The following ACSL3 variants were observed in gnomAD, a reference collection of about 807,000 sequenced individuals.
ACSL3 encodes the protein acyl-CoA synthetase long chain family member 3, also known as fatty acid CoA ligase Acsl3.
Under a neutral mutation model 84.7 loss-of-function variants are expected in ACSL3, and 34 were observed. That is an observed-to-expected ratio of 0.40 (90% confidence interval 0.31 to 0.53). The LOEUF is 0.53. ACSL3 is among the 20% of genes least tolerant of loss of function. ACSL3 has a pLI of 0.48. For synonymous variants in ACSL3, 315 were observed against 299.4 expected (o/e 1.05, Z -0.54); for missense variants, 680 against 873.1 (o/e 0.78, Z 2.79).
Position 222,919,140 on chromosome 2 carries a change from C to T in ACSL3, c.743C>T (p.Pro248Leu). The T allele has an allele frequency of 1.2e-6, 2 of 1,614,090 alleles. No individual in the cohort carries two copies. Among genetic ancestry groups the T allele is most frequent in the Non-Finnish European group, 1.7e-6 (2 of 1,180,016 alleles). Residue 248 changes from proline (P) to leucine (L), a missense_variant, in exon 7 of 17, where the codon CCC becomes CTC. Transcript: ENST00000357430. ...DGKPPTWSEF[P>L]KGIIVHTMAA... is the part of the protein sequence containing the mutation. ...AAGCCACCGACCTGGTCCGAGTTCCCCAAGGGCATCATTGTGCATACCATG... is the reference window on the plus strand; with the variant it reads ...AAGCCACCGACCTGGTCCGAGTTCCTCAAGGGCATCATTGTGCATACCATG...
At chr2:222,910,088 C>A (rs1696404812) in intron 4 of ACSL3, among the ~76,000 whole-genome samples, 2 of 152,148 alleles carry the variant, frequency 1.3e-5, no homozygotes. Context: ...CAATTTGTGG[C>A]ACTTAATGTA....
chr2:222,940,303 C>T (rs533673628), intron 16 of ACSL3, among the ~76,000 whole-genome samples: 6 of 152,112 alleles, frequency 3.9e-5, no homozygotes, highest in Non-Finnish European at 7.4e-5. Flanking sequence ...AGTAAATGTG[C>T]TCTGCATAAT....
chr2:222,932,280 A>G (rs969147976), intron 14 of ACSL3, among the ~76,000 whole-genome samples: 1 of 152,256 alleles, frequency 6.6e-6, no homozygotes, highest in Non-Finnish European at 1.5e-5. Context: ...TCAGAAGAAC[A>G]TACTTGAAGC....
At position 222,873,601 on chromosome 2, in the gene ACSL3, G is replaced by T. The variant is rs143325092; in HGVS notation, c.-207+12343G>T. On this transcript the variant is annotated intron_variant, in intron 1 of 16. Transcript: ENST00000357430. ...TATAGCCAGTGCTGAGGTGCTTTCGGTCCTGATACCTGTTTGTGTGTATGT... is the reference window on the plus strand; with the variant it reads ...TATAGCCAGTGCTGAGGTGCTTTCGTTCCTGATACCTGTTTGTGTGTATGT... 2.0e-3 allele frequency among the ~76,000 whole-genome samples: 298 copies of T among 152,240 alleles called. 4 individuals are homozygous for T. The highest frequency in any genetic ancestry group is 7.0e-3 in the African/African-American group (291 of 41,546).
chr2:222,880,551 G>A (rs572548632), intron 1 of ACSL3, among the ~76,000 whole-genome samples: 5 of 152,044 alleles, frequency 3.3e-5, no homozygotes, highest in Middle Eastern at 3.4e-3. Flanking sequence ...ATTTTTGGCC[G>A]GGCGCGGTGG....
chr2:222,868,838 C>G (rs369823975), intron 1 of ACSL3, among the ~76,000 whole-genome samples: 1 of 151,790 alleles, frequency 6.6e-6, no homozygotes, highest in Non-Finnish European at 1.5e-5. Flanking sequence ...GGTGTGGTAG[C>G]GGGTGCCTGT....
At chr2:222,900,423 T>C (rs1245415867) in intron 2 of ACSL3, among the ~76,000 whole-genome samples, 1 of 152,198 alleles carries the variant, frequency 6.6e-6, no homozygotes, top group Non-Finnish European at 1.5e-5. Context: ...TCCTTCTCTT[T>C]ATGGCTCCAA....
chr2:222,908,351 A>C (rs376106174), intron 3 of ACSL3, among the ~76,000 whole-genome samples: 1 of 152,146 alleles, frequency 6.6e-6, no homozygotes, highest in Non-Finnish European at 1.5e-5. Context: ...GTGAGAGAGG[A>C]TGGATGTGTT....
intron 4 of ACSL3, among the ~76,000 whole-genome samples, chr2:222,915,325 T>G (rs571740405): frequency 1.3e-5 from 2 of 152,348 alleles, no homozygotes; most frequent in African/African-American, 4.8e-5. Flanking sequence ...ATTTCTTAAA[T>G]GCGTAATTGC....
rs200677606 is a variant in ACSL3 at position 222,916,497 on chromosome 2, G to A, written c.556+1G>A. 4 of 1,571,572 alleles carry A rather than the reference G, an allele frequency of 2.5e-6. No individual in the cohort carries two copies. Among genetic ancestry groups the A allele is most frequent in the African/African-American group, 1.4e-5 (1 of 73,646 alleles). On this transcript the variant is annotated splice_donor_variant, in intron 5 of 16. Transcript: ENST00000357430. LOFTEE classifies it high-confidence loss of function. ...GCGTGTTTTATGTATAATTTTCAGCGTATGTAGACTTTCTTATCTTCTGGA... is the reference window on the plus strand; with the variant it reads ...GCGTGTTTTATGTATAATTTTCAGCATATGTAGACTTTCTTATCTTCTGGA...
chr2:222,881,301 T>A (rs1695586441), intron 1 of ACSL3, among the ~76,000 whole-genome samples: 1 of 152,254 alleles, frequency 6.6e-6, no homozygotes, highest in South Asian at 2.1e-4. Context: ...AGGTGTGCAG[T>A]GGCACTTGCG....
At chr2:222,880,812 A>T (rs1474415299) in intron 1 of ACSL3, among the ~76,000 whole-genome samples, 3 of 150,280 alleles carry the variant, frequency 2.0e-5, no homozygotes, top group Non-Finnish European at 3.0e-5. Flanking sequence ...CCTGGGTGAC[A>T]GAGCGAGACT....
At chr2:222,910,623 C>A (rs1426203436) in intron 4 of ACSL3, among the ~76,000 whole-genome samples, 1 of 152,150 alleles carries the variant, frequency 6.6e-6, no homozygotes, top group Admixed American at 6.6e-5. Context: ...GAAGGAGATG[C>A]CAAGCAAGTT....
chr2:222,867,256 G>T (rs1345369487), intron 1 of ACSL3, among the ~76,000 whole-genome samples: 3 of 152,140 alleles, frequency 2.0e-5, no homozygotes, highest in Non-Finnish European at 4.4e-5. Flanking sequence ...CCCATAGTCT[G>T]CTAATTCCAT....
chr2:222,941,758 A>T lies in ACSL3; in HGVS notation c.*104A>T. The T allele has an allele frequency of 7.9e-7, 1 of 1,263,224 alleles. No individual in the cohort carries two copies. The highest frequency in any genetic ancestry group is 1.5e-5 in the African/African-American group (1 of 66,160). The allele number at this position is 1,263,224 out of a possible 1,614,324, so 78.3% of individuals were successfully genotyped here. On this transcript the variant is annotated 3_prime_UTR_variant, in exon 17 of 17. Transcript: ENST00000357430. ...CAAGGCAAACTCCATTCCTCATATT[A>T]AACTATTACTTCTCATGACGTCACC...
At chr2:222,921,940 G>A (rs554669058) in intron 8 of ACSL3, among the ~76,000 whole-genome samples, 3 of 152,114 alleles carry the variant, frequency 2.0e-5, no homozygotes, top group Middle Eastern at 3.2e-3. Flanking sequence ...TCTGATGACC[G>A]ATAGGGTACA....
In ACSL3 at chr2:222,924,541, A is replaced by G. The variant is rs1298680666; in HGVS notation, c.1238A>G (p.Tyr413Cys). The G allele has an allele frequency of 1.1e-5, 17 of 1,611,174 alleles. No individual in the cohort carries two copies. The highest frequency in any genetic ancestry group is 3.3e-5 in the South Asian group (3 of 90,122). Residue 413 changes from tyrosine to cysteine, a missense_variant, in exon 11 of 17, where the codon TAT (tyrosine) becomes TGT (cysteine). By Grantham distance (194) the Tyr-to-Cys change is radical. Transcript: ENST00000357430. ...SFQRNLFILA[Y>C]NYKMEQISKG... ...CAACGTAATCTGTTTATTCTGGCCT[A>G]TAATTACAAAATGGAACAGATTTCA...
chr2:222,941,545 A>G lies in ACSL3; in HGVS notation c.2054A>G (p.Glu685Gly). The G allele has an allele frequency of 6.2e-7, 1 of 1,613,212 alleles. No homozygotes were observed. Among genetic ancestry groups the G allele is most frequent in the Non-Finnish European group, 8.5e-7 (1 of 1,179,720 alleles). Reference protein sequence around the residue: ...EIPVKIRLSPEPWTPETGLVT... With the variant: ...EIPVKIRLSPGPWTPETGLVT... ...CCAGTAAAAATTCGTTTGAGTCCTGAACCGTGGACCCCTGAAACTGGTCTG... is the reference window on the plus strand; with the variant it reads ...CCAGTAAAAATTCGTTTGAGTCCTGGACCGTGGACCCCTGAAACTGGTCTG... Residue 685 changes from glutamate to glycine, a missense_variant, in exon 17 of 17, where the codon GAA becomes GGA. Transcript: ENST00000357430.
At chr2:222,867,517 ATTC>A (rs1695182318) in intron 1 of ACSL3, among the ~76,000 whole-genome samples, 1 of 152,140 alleles carries the variant, frequency 6.6e-6, no homozygotes, top group Admixed American at 6.5e-5. Flanking sequence ...TACTGCATGT[ATTC>A]TTGTTCAGCA....
Sources: gnomAD v4.1 joint callset for allele counts (sites outside exome capture counted in the v4.1 genomes callset) on GRCh38, gnomAD v4.1.1 for gene constraint, MANE v1.5 for transcripts, NCBI Gene and HGNC (gene_info 2026-07-23, HGNC 2026-07-21) for gene names.